The following XPNPEP2 variants were observed in gnomAD, a reference collection of about 807,000 sequenced individuals.
XPNPEP2 encodes xaa-Pro aminopeptidase 2.
In XPNPEP2, 64 loss-of-function variants were observed where a neutral mutation model predicts 59.8. That is an observed-to-expected ratio of 1.07 (90% confidence interval 0.87 to 1.32). The LOEUF (loss-of-function observed/expected upper bound fraction) is 1.32. XPNPEP2 is among the 40% of genes most tolerant of loss of function. The pLI is 0.00. For missense variants in XPNPEP2, 575 were observed against 546.8 expected (o/e 1.05, Z -0.51); for synonymous variants, 235 against 210.0 (o/e 1.12, Z -1.03).
chrX:129,761,157 T>A lies in XPNPEP2; in HGVS notation c.1499-15T>A. The A allele has an allele frequency of 8.3e-7, 1 of 1,206,911 alleles. No individual in the cohort carries two copies. The highest frequency in any genetic ancestry group is 1.1e-6 in the Non-Finnish European group (1 of 891,411). Reference sequence around the variant, plus strand: ...TAAAGCCATCTGACTGGGGTCAATCTCTCTTCCCTTCCAGGGCGAATGGTG... The same window carrying A: ...TAAAGCCATCTGACTGGGGTCAATCACTCTTCCCTTCCAGGGCGAATGGTG... On this transcript the variant is annotated splice_polypyrimidine_tract_variant and intron_variant, in intron 16 of 20. Transcript: ENST00000371106.
chrX:129,751,622 GGAAGGAAGGAAGGA>G (rs1926417491), intron 8 of XPNPEP2, 109 bp from the exon 9 acceptor site: 2 of 388,149 alleles, frequency 5.2e-6, no homozygotes, highest in Admixed American at 7.2e-5. Flanking sequence ...AAGGAAGGAA[GGAAGGAAGGAAGGA>G]AGGAAGGGAG....
At chrX:129,752,891 G>A (rs1002599728) in intron 10 of XPNPEP2, among the ~76,000 whole-genome samples, 6 of 112,492 alleles carry the variant, frequency 5.3e-5, no homozygotes, top group East Asian at 2.8e-4. Flanking sequence ...GGTGGGATCC[G>A]AAGACAGGGA....
chrX:129,751,500 C>CA (rs1926395853), intron 8 of XPNPEP2, among the ~76,000 whole-genome samples: 1 of 88,766 alleles, frequency 1.1e-5, no homozygotes, highest in African/African-American at 4.2e-5. Context: ...AAGATACTGT[C>CA]AAAAAAGAAA....
chrX:129,765,058 G>A (rs1002219355), intron 19 of XPNPEP2, among the ~76,000 whole-genome samples: 7 of 112,401 alleles, frequency 6.2e-5, no homozygotes, highest in Non-Finnish European at 1.3e-4. Flanking sequence ...GGCACACACA[G>A]CGTATGTATC....
rs770269382 is a variant in XPNPEP2, at chrX:129,750,610, C to T, written c.739+41C>T. ...CAGACATGGGTGGGCGCCTGGGTCTCCCCAATGCCCCAAGCCTCCCGGGCC... is the reference window on the plus strand; with the variant it reads ...CAGACATGGGTGGGCGCCTGGGTCTTCCCAATGCCCCAAGCCTCCCGGGCC... On this transcript the variant is annotated intron_variant, in intron 8 of 20. Transcript: ENST00000371106. 1.0e-4 allele frequency: 110 copies of T among 1,061,789 alleles called. No individual in the cohort carries two copies. In the South Asian group the frequency reaches 2.2e-3, roughly 21 times the overall value. 87.5% of individuals were successfully genotyped at this position (1,061,789 alleles called of 1,213,427 possible).
intron 2 of XPNPEP2, 139 bp downstream of exon 2, chrX:129,742,320 C>T: frequency 2.9e-6 from 1 of 347,893 alleles, no homozygotes; most frequent in East Asian, 4.8e-5. Flanking sequence ...GTTGGTAGCC[C>T]CTCCTCCTAC....
At chrX:129,760,876 T>C (rs746595223) in intron 16 of XPNPEP2, among the ~76,000 whole-genome samples, 1 of 111,781 alleles carries the variant, frequency 8.9e-6, no homozygotes, top group South Asian at 3.7e-4. Context: ...GAATTAGGTG[T>C]CAAAGTGCAA....
At chrX:129,748,024 G>A in intron 7 of XPNPEP2, 1 of 401,263 alleles carries the variant, frequency 2.5e-6, no homozygotes, top group Non-Finnish European at 4.4e-6. Flanking sequence ...CAGGAAGGGA[G>A]GAAAGAAGGG....
At chrX:129,746,760 C>A in intron 6 of XPNPEP2, 79 bp downstream of exon 6, 1 of 944,532 alleles carries the variant, frequency 1.1e-6, no homozygotes, top group Non-Finnish European at 1.5e-6. Context: ...AAGAAATGGA[C>A]CTTGGTAGAA....
At position 129,757,023 on chromosome X, in the gene XPNPEP2, T is replaced by TATATATATATATAC. The variant is rs1491537516; in HGVS notation, c.1367+469_1367+470insTATATATATATACA. 3.3e-4 allele frequency among the ~76,000 whole-genome samples: 26 copies of TATATATATATATAC among 77,708 alleles called. No homozygotes were observed. The East Asian group carries it at 7.2e-3, about 22-fold the overall frequency. 67.5% of individuals were successfully genotyped at this position (77,708 alleles called of 115,157 possible). On this transcript the variant is annotated intron_variant, in intron 14 of 20. Coordinates refer to ENST00000371106, the MANE Select transcript of XPNPEP2 (RefSeq NM_003399.6). ...ATATATATATATATATATATATATA[T>TATATATATATATAC]ACACACACACACACATATATATATA...
intron 20 of XPNPEP2, 26 bp downstream of exon 20, chrX:129,767,718 T>C (rs776668155): frequency 8.3e-7 from 1 of 1,198,689 alleles, no homozygotes; most frequent in Non-Finnish European, 1.1e-6. Flanking sequence ...CATTGCCTTC[T>C]CCCTGACCCT....
intron 2 of XPNPEP2, 94 bp from the exon 3 acceptor site, chrX:129,743,867 G>A (rs963589481): frequency 8.9e-6 from 7 of 787,218 alleles, no homozygotes; most frequent in Non-Finnish European, 1.3e-5. Flanking sequence ...GAGGCTGGGG[G>A]CTCTTCTGGA....
At chrX:129,750,988 G>A (rs914902508) in intron 8 of XPNPEP2, among the ~76,000 whole-genome samples, 2 of 110,523 alleles carry the variant, frequency 1.8e-5, no homozygotes, top group Non-Finnish European at 3.8e-5. Flanking sequence ...CTATGGCTGG[G>A]CTTCAGATAT....
rs1230088678 is a variant in XPNPEP2, at chrX:129,739,152, G to T, written c.-62G>T. 4.4e-6 allele frequency: 5 copies of T among 1,137,899 alleles called. No homozygotes were observed. The highest frequency in any genetic ancestry group is 4.8e-6 in the Non-Finnish European group (4 of 840,138). 93.8% of individuals were successfully genotyped at this position (1,137,899 alleles called of 1,213,427 possible). ...GAAAGGCCTGAAGGAAGAGGCCGGG[G>T]AAAGAGCCCTCCCTCTCTCCCTTGT... On this transcript the variant is annotated 5_prime_UTR_variant, in exon 1 of 21. Transcript: ENST00000371106.
chrX:129,767,067 AT>A (rs1926763655), intron 19 of XPNPEP2, among the ~76,000 whole-genome samples: 1 of 110,672 alleles, frequency 9.0e-6, no homozygotes, highest in Admixed American at 9.6e-5. Flanking sequence ...TACAAAAAGT[AT>A]CTGGGTGTGG....
intron 9 of XPNPEP2, 143 bp downstream of exon 9, chrX:129,751,969 C>T (rs1926428362): frequency 1.2e-6 from 1 of 802,503 alleles, no homozygotes; most frequent in Middle Eastern, 4.2e-4. Flanking sequence ...TTTAGAAAAC[C>T]CCCTGTTGTC....
rs768490639 is a variant in XPNPEP2 at position 129,768,450 on chromosome X, G to T, written c.1990G>T (p.Val664Phe). The T allele has an allele frequency of 5.0e-6, 6 of 1,191,962 alleles. No individual in the cohort carries two copies. In the East Asian group the frequency reaches 1.5e-4, roughly 30 times the overall value. The change falls in exon 21 of 21, where the codon GTC (valine) becomes TTC (phenylalanine). Residue 664 changes from valine to phenylalanine, a missense_variant. Coordinates refer to ENST00000371106, the MANE Select transcript of XPNPEP2 (RefSeq NM_003399.6). ...DTASWASVLV[V>F]STLAILGWSV is the part of the protein sequence containing the mutation. ...CGCCTCCTGGGCCTCTGTGTTAGTG[G>T]TCTCCACCCTTGCCATCCTTGGCTG... is the stretch of plus-strand genomic sequence containing the variant.
chrX:129,751,595 AAAGGAAGGAAGGAAGGAAGGAAGG>A (rs201428707), intron 8 of XPNPEP2, 126 bp from the exon 9 acceptor site: 9,716 of 199,066 alleles, frequency 0.049, 242 homozygotes, highest in East Asian at 0.1. Flanking sequence ...AGAAAGAAAG[AAAGGAAGGAAGGAAGGAAGGAAGG>A]AAGGAAGGAA....
At chrX:129,750,179 G>A (rs12690359) in intron 7 of XPNPEP2, among the ~76,000 whole-genome samples, 25,854 of 111,611 alleles carry the variant, frequency 0.23, 2,062 homozygotes, top group East Asian at 0.3. Flanking sequence ...TGAGGCAGAT[G>A]CTTATTATAC....
Sources: gnomAD v4.1 joint callset for allele counts (sites outside exome capture counted in the v4.1 genomes callset) on GRCh38, gnomAD v4.1.1 for gene constraint, MANE v1.5 for transcripts, NCBI Gene and HGNC (gene_info 2026-07-23, HGNC 2026-07-21) for gene names.